The following MATN4 variants were observed in gnomAD, a reference collection of about 807,000 sequenced individuals.
The protein encoded by MATN4 is matrilin 4, also known as matrilin-4.
MATN4 carries 40 observed loss-of-function variants against 54.6 expected under a neutral mutation model. The observed-to-expected ratio is 0.73, with a 90% confidence interval of 0.57 to 0.95. The LOEUF (loss-of-function observed/expected upper bound fraction) is 0.95. Among genes scored for constraint, MATN4 ranks in the 40% least tolerant of loss-of-function variants. The pLI, the probability that MATN4 is intolerant of heterozygous loss-of-function variation, is 0.00. For missense variants in MATN4, 810 were observed against 819.1 expected, an observed-to-expected ratio of 0.99 and a Z score of 0.13; for synonymous variants, 351 against 345.3, an observed-to-expected ratio of 1.02 and a Z score of -0.18.
chr20:45,300,887 G>A lies in MATN4; in HGVS notation c.1012C>T (p.Arg338Trp), dbSNP rs369151167. Residue 338 changes from arginine (R) to tryptophan (W), a missense_variant and splice_region_variant, in exon 6 of 10, where the codon CGG becomes TGG. Physicochemically the swap from Arg to Trp is moderately radical, Grantham distance 101 (BLOSUM62 -3). Coordinates refer to ENST00000372756, the MANE Select transcript of MATN4 (RefSeq NM_001393530.1). ...QLQADGKSCN[R>W]CREGHVDLVL... The stretch of plus-strand genomic sequence containing the variant: ...GAACACCCTCCCGCCCATCACTCAC[G>A]GTTGCAGCTCTTGCCATCTGCCTGA... 1.4e-5 allele frequency: 22 copies of A among 1,612,360 alleles called. No homozygotes were observed. Among genetic ancestry groups the A allele is most frequent in the Middle Eastern group, 2.1e-4 (1 of 4,844 alleles).
rs1216242641 is a variant in MATN4, at chr20:45,298,084, G to A, written c.1427-14C>T. 3.1e-6 allele frequency: 5 copies of A among 1,608,634 alleles called. No homozygotes were observed. Among genetic ancestry groups the A allele is most frequent in the Non-Finnish European group, 4.3e-6 (5 of 1,176,214 alleles). ...ACATGACGATGCCTGCAAGGCCGGG[G>A]TCTCAGAGGGTGCCCCAGGCCTCGG... On this transcript the variant is annotated splice_polypyrimidine_tract_variant and intron_variant, in intron 7 of 9. Coordinates refer to ENST00000372756, the MANE Select transcript of MATN4 (RefSeq NM_001393530.1). The surrounding 1 kb of genome is among the most constrained non-coding windows in gnomAD (Gnocchi z 4.6).
intron 8 of MATN4, among the ~76,000 whole-genome samples, chr20:45,294,410 A>G (rs1475767429): frequency 2.6e-5 from 4 of 152,212 alleles, no homozygotes; most frequent in Non-Finnish European, 5.9e-5. Flanking sequence ...TACATTTCTA[A>G]TAAGCTCCCA....
rs746101954 is a variant in MATN4, at chr20:45,304,295, G to A, written c.576C>T (p.His192=). The stretch of plus-strand genomic sequence containing the variant: ...GGTCGAAGGACTCTACGAGGAAGAC[G>A]TGCTCGTCTAGCGGGGGCGATGCCA... ...RAMASPPLDE[H]VFLVESFDLI... is the part of the protein sequence containing the mutation. The change falls in exon 3 of 10, where the codon CAC becomes CAT. Residue 192 remains histidine (H), a synonymous_variant. Coordinates refer to ENST00000372756, the MANE Select transcript of MATN4 (RefSeq NM_001393530.1). The A allele has an allele frequency of 6.5e-6, 10 of 1,550,366 alleles. No homozygotes were observed. Among genetic ancestry groups the A allele is most frequent in the Middle Eastern group, 1.7e-4 (1 of 5,822 alleles).
chr20:45,297,912 G>A lies in MATN4; in HGVS notation c.1579+6C>T, dbSNP rs1568871622. The stretch of plus-strand genomic sequence containing the variant: ...AGAGGAGGAGCCCCGAGAGAGATGC[G>A]CTCACCTGGACAGATGCTGCCTCTG... On this transcript the variant is annotated splice_donor_region_variant and intron_variant, in intron 8 of 9. Coordinates refer to ENST00000372756, the MANE Select transcript of MATN4 (RefSeq NM_001393530.1). The A allele has an allele frequency of 3.1e-6, 5 of 1,613,962 alleles. No individual in the cohort carries two copies. The highest frequency in any genetic ancestry group is 2.7e-5 in the African/African-American group (2 of 74,924).
In MATN4 at chr20:45,298,962, G is replaced by A. The variant is rs2743221; in HGVS notation, c.1013-379C>T. Among the ~76,000 whole-genome samples, 31,734 of 151,982 alleles carry A rather than the reference G, an allele frequency of 0.21. 3,522 individuals carry two copies. Among genetic ancestry groups the A allele is most frequent in the Middle Eastern group, 0.32 (93 of 294 alleles). ...AATAATAACAAAAACATTATTTACC[G>A]ACAGCTTACCATGTGGTAGGTACTG... On this transcript the variant is annotated intron_variant, in intron 6 of 9. Coordinates refer to ENST00000372756, the MANE Select transcript of MATN4 (RefSeq NM_001393530.1). This position sits in a 1 kb window ranked among gnomAD's most constrained non-coding sequence, Gnocchi z 4.6.
intron 6 of MATN4, 112 bp downstream of exon 6, chr20:45,300,775 C>A (rs1280756621): frequency 1.3e-5 from 17 of 1,359,158 alleles, no homozygotes; most frequent in Non-Finnish European, 1.6e-5. Flanking sequence ...CCACAACACA[C>A]ACAGACATTC....
intron 1 of MATN4, chr20:45,307,093 C>T (rs1986774484): frequency 4.3e-6 from 2 of 461,638 alleles, no homozygotes; most frequent in Non-Finnish European, 3.6e-6. Context: ...GAACCTAGGG[C>T]TCCTGGTTCC....
intron 6 of MATN4, among the ~76,000 whole-genome samples, chr20:45,299,852 C>A (rs1325095332): frequency 8.0e-6 from 1 of 124,910 alleles, no homozygotes; most frequent in East Asian, 2.2e-4. Context: ...CACTCCAGCC[C>A]GAGAAACAGA....
At chr20:45,293,882 C>T (rs1280301118) in intron 9 of MATN4, 26 bp downstream of exon 9, 1 of 1,606,668 alleles carries the variant, frequency 6.2e-7, no homozygotes, top group Non-Finnish European at 8.5e-7. Flanking sequence ...TTCCCTCCAG[C>T]CCGCGCCACC....
chr20:45,307,662 C>T (rs138228405), intron 1 of MATN4, among the ~76,000 whole-genome samples: 2 of 152,200 alleles, frequency 1.3e-5, no homozygotes, highest in Non-Finnish European at 2.9e-5. Flanking sequence ...CCTGCCTCCA[C>T]CCCAGGAATC....
At chr20:45,308,317 C>T (rs1426709950), upstream of MATN4, 18 of 1,099,488 alleles carry the variant, frequency 1.6e-5, no homozygotes, top group African/African-American at 6.2e-5. Context: ...ACAGAGGCAA[C>T]GGCCGCATTT....
chr20:45,298,004 T>G lies in MATN4; in HGVS notation c.1493A>C (p.Glu498Ala), dbSNP rs1477270291. ...ATAGGACACGTGCAGTTCCGCTGGCTCCGAGGCGATCTCGCGCAGCTCCGC... is the reference window on the plus strand; with the variant it reads ...ATAGGACACGTGCAGTTCCGCTGGCGCCGAGGCGATCTCGCGCAGCTCCGC... ...VEAELREIAS[E>A]PAELHVSYAP... is the part of the protein sequence containing the mutation. The change falls in exon 8 of 10, where the codon GAG (glutamate) becomes GCG (alanine). Residue 498 changes from glutamate to alanine, a missense_variant. By Grantham distance (107) the Glu-to-Ala change is moderately radical. Coordinates refer to ENST00000372756, the MANE Select transcript of MATN4 (RefSeq NM_001393530.1). This position sits in a 1 kb window ranked among gnomAD's most constrained non-coding sequence, Gnocchi z 4.6. The G allele has an allele frequency of 1.2e-6, 2 of 1,613,938 alleles. No individual in the cohort carries two copies. Among genetic ancestry groups the G allele is most frequent in the African/African-American group, 2.7e-5 (2 of 74,904 alleles).
In MATN4 at chr20:45,304,217, T is replaced by C. The variant is rs777167562; in HGVS notation, c.643+11A>G. The C allele has an allele frequency of 1.4e-5, 21 of 1,493,626 alleles. No homozygotes were observed. The South Asian group carries it at 2.9e-4, about 20-fold the overall frequency. 92.5% of individuals were successfully genotyped at this position (1,493,626 alleles called of 1,614,324 possible). A position where few individuals can be genotyped will look rare whatever the true frequency, so the allele number is the denominator to read the frequency against. ...GAGTTCGAGCTTCACTCCAGCGCCCTCCTAACTCACCACACAGCCGGCTCT... is the reference window on the plus strand; with the variant it reads ...GAGTTCGAGCTTCACTCCAGCGCCCCCCTAACTCACCACACAGCCGGCTCT... On this transcript the variant is annotated intron_variant, in intron 3 of 9. Transcript: ENST00000372756.
chr20:45,301,300 G>C, intron 4 of MATN4, 21 bp downstream of exon 4: 1 of 1,593,898 alleles, frequency 6.3e-7, no homozygotes, highest in Middle Eastern at 1.7e-4. Context: ...GGTGTGGTGG[G>C]AGGGTGGGGG....
rs1248137867 is a variant in MATN4 at position 45,301,017 on chromosome 20, G to C, written c.890-8C>G. 1 of 1,614,114 alleles carries C rather than the reference G, an allele frequency of 6.2e-7. No individual in the cohort carries two copies. Among genetic ancestry groups the C allele is most frequent in the East Asian group, 2.2e-5 (1 of 44,880 alleles). ...CATTGCAAAGGTCCCGGACTGAAAG[G>C]AGAGACAGGTCAGGATGAGTCAGGA... is the stretch of plus-strand genomic sequence containing the variant. On this transcript the variant is annotated splice_region_variant and splice_polypyrimidine_tract_variant and intron_variant, in intron 5 of 9. Transcript: ENST00000372756.
At chr20:45,301,899 G>T (rs1239224133) in intron 3 of MATN4, among the ~76,000 whole-genome samples, 3 of 151,782 alleles carry the variant, frequency 2.0e-5, no homozygotes, top group African/African-American at 7.3e-5. Flanking sequence ...CCAGTATGAA[G>T]ATGAGTAACT....
chr20:45,305,473 C>T (rs1748930590), intron 2 of MATN4, 37 bp downstream of exon 2: 11 of 1,507,948 alleles, frequency 7.3e-6, no homozygotes, highest in South Asian at 2.4e-5. Flanking sequence ...GCTTCCGCTC[C>T]CCTCCTCCCA....
chr20:45,301,309 G>T lies in MATN4; in HGVS notation c.766+12C>A, dbSNP rs1265089540. The T allele has an allele frequency of 6.2e-7, 1 of 1,614,090 alleles. No individual in the cohort carries two copies. Among genetic ancestry groups the T allele is most frequent in the South Asian group, 1.1e-5 (1 of 91,084 alleles). On this transcript the variant is annotated intron_variant, in intron 4 of 9. Transcript: ENST00000372756. The stretch of plus-strand genomic sequence containing the variant: ...GTCCAGGGTGTGGTGGGAGGGTGGG[G>T]GTGTTGCTCACCCCTGCAGCTCCTC...
rs983384120 is a variant in MATN4, at chr20:45,293,478, G to T, written c.*289C>A. On this transcript the variant is annotated 3_prime_UTR_variant, in exon 10 of 10. Transcript: ENST00000372756. Reference sequence around the variant, plus strand: ...AAATCAGTTTTTTTTATTTTTTTAAGAACACAAACAAGAAATCCAACAAAG... The same window carrying T: ...AAATCAGTTTTTTTTATTTTTTTAATAACACAAACAAGAAATCCAACAAAG... 38 of 379,476 alleles carry T rather than the reference G, an allele frequency of 1.0e-4. No homozygotes were observed. The highest frequency in any genetic ancestry group is 4.1e-4 in the Admixed American group (9 of 21,820). The allele number at this position is 379,476 out of a possible 1,614,324, so 23.5% of individuals were successfully genotyped here.
Sources: gnomAD v4.1 joint callset for allele counts (sites outside exome capture counted in the v4.1 genomes callset) on GRCh38, gnomAD v4.1.1 for gene constraint, Gnocchi (gnomAD v3.1) non-coding constraint, MANE v1.5 for transcripts, NCBI Gene and HGNC (gene_info 2026-07-23, HGNC 2026-07-21) for gene names.